The following KIF13A variants were observed in gnomAD, a reference collection of about 807,000 sequenced individuals.
The protein encoded by KIF13A is kinesin-like protein KIF13A.
A neutral mutation model predicts 212.2 loss-of-function variants in KIF13A; 79 were observed. That is an observed-to-expected ratio of 0.37 (90% confidence interval 0.31 to 0.45). KIF13A has a LOEUF of 0.45. Among genes scored for constraint, KIF13A ranks in the 20% least tolerant of loss-of-function variants. The pLI is 1.00. For missense variants in KIF13A, 1,901 were observed against 2,209.0 expected (o/e 0.86, Z 2.79); for synonymous variants, 789 against 808.6 (o/e 0.98, Z 0.41).
chr6:17,921,263 T>C (rs1775045894), intron 2 of KIF13A, among the ~76,000 whole-genome samples: 2 of 152,182 alleles, frequency 1.3e-5, no homozygotes, highest in South Asian at 4.1e-4. Context: ...AATAAACTGA[T>C]TTAACTTTAT....
At chr6:17,981,762 A>G (rs745866187) in intron 2 of KIF13A, among the ~76,000 whole-genome samples, 1 of 152,132 alleles carries the variant, frequency 6.6e-6, no homozygotes, top group Non-Finnish European at 1.5e-5. Context: ...TAACTCTGTA[A>G]TATGGGCAGA....
In KIF13A at chr6:17,849,834, G is replaced by GT. The variant is rs1056406530; in HGVS notation, c.718-346dup. On this transcript the variant is annotated intron_variant, in intron 8 of 38. Coordinates refer to ENST00000259711, the MANE Select transcript of KIF13A (RefSeq NM_022113.6). This position sits in a 1 kb window ranked among gnomAD's most constrained non-coding sequence, Gnocchi z 5.7. ...CAAATCCTTCTTCCTTTGAAAAAAG[G>GT]TTTAGGCTAAAGGTTGTGGTGTCCT... Among the ~76,000 whole-genome samples, 76 of 152,240 alleles carry GT rather than the reference G, an allele frequency of 5.0e-4. No individual in the cohort carries two copies. Among genetic ancestry groups the GT allele is most frequent in the African/African-American group, 1.7e-3 (70 of 41,538 alleles).
intron 25 of KIF13A, among the ~76,000 whole-genome samples, chr6:17,793,774 C>T (rs1033056454): frequency 6.6e-6 from 1 of 151,684 alleles, no homozygotes; most frequent in African/African-American, 2.4e-5. Context: ...ATCAGCTGGG[C>T]GTGGTGATGT....
chr6:17,797,415 C>T (rs1430945848), intron 22 of KIF13A, among the ~76,000 whole-genome samples: 1 of 152,222 alleles, frequency 6.6e-6, no homozygotes, highest in African/African-American at 2.4e-5. Flanking sequence ...GCTGAATCTA[C>T]ATCGTCTTAC....
chr6:17,806,903 T>A (rs1224775460), intron 18 of KIF13A, among the ~76,000 whole-genome samples: 1 of 152,110 alleles, frequency 6.6e-6, no homozygotes, highest in Non-Finnish European at 1.5e-5. Flanking sequence ...TTGCAGGAAG[T>A]CAGGGACCCC....
chr6:17,929,404 A>ATTTT (rs35396541), intron 2 of KIF13A, among the ~76,000 whole-genome samples: 50 of 145,248 alleles, frequency 3.4e-4, no homozygotes, highest in African/African-American at 1.0e-3. Context: ...ACTCTCGACT[A>ATTTT]TTTTTTTTTT....
At chr6:17,975,067 G>A (rs73373191) in intron 2 of KIF13A, among the ~76,000 whole-genome samples, 1,671 of 152,236 alleles carry the variant, frequency 0.011, 24 homozygotes, top group African/African-American at 0.038. Context: ...TTCCCAGCTG[G>A]GCGCAGTGGT....
chr6:17,957,710 C>T (rs978337715), intron 2 of KIF13A, among the ~76,000 whole-genome samples: 1 of 152,182 alleles, frequency 6.6e-6, no homozygotes, highest in African/African-American at 2.4e-5. Context: ...CTGGTGTTCA[C>T]TGCTTGTTGG....
chr6:17,874,356 G>A (rs1770307815), intron 3 of KIF13A, among the ~76,000 whole-genome samples: 2 of 151,800 alleles, frequency 1.3e-5, no homozygotes, highest in South Asian at 4.2e-4. Context: ...AAGATGTGAA[G>A]CAACTTTACA....
Position 17,799,216 on chromosome 6 carries a change from A to G in KIF13A, c.2790+50T>C, listed in dbSNP as rs1162887108. The G allele has an allele frequency of 1.1e-5, 14 of 1,307,212 alleles. No individual in the cohort carries two copies. Among genetic ancestry groups the G allele is most frequent in the Admixed American group, 2.5e-5 (1 of 40,276 alleles). The allele number at this position is 1,307,212 out of a possible 1,614,324, so 81.0% of individuals were successfully genotyped here. A position where few individuals can be genotyped will look rare whatever the true frequency, so the allele number is the denominator to read the frequency against. On this transcript the variant is annotated intron_variant, in intron 22 of 38. Coordinates refer to ENST00000259711, the MANE Select transcript of KIF13A (RefSeq NM_022113.6). This position sits in a 1 kb window ranked among gnomAD's most constrained non-coding sequence, Gnocchi z 4.4. ...TGGGGACAACTGATTGTTGAACTGCACCAATTTCTGCTGCTTCCTACACAG... is the reference window on the plus strand; with the variant it reads ...TGGGGACAACTGATTGTTGAACTGCGCCAATTTCTGCTGCTTCCTACACAG...
At chr6:17,779,745 T>C in intron 31 of KIF13A, 61 bp from the exon 32 acceptor site, 1 of 656,588 alleles carries the variant, frequency 1.5e-6, no homozygotes, top group East Asian at 3.9e-5. Flanking sequence ...ATTTTGTATT[T>C]TTTTTTTTTT....
chr6:17,830,115 T>A (rs1343244258), intron 13 of KIF13A, among the ~76,000 whole-genome samples: 1 of 152,190 alleles, frequency 6.6e-6, no homozygotes, highest in African/African-American at 2.4e-5. Context: ...TAAATCAATG[T>A]CAATCAGATA....
intron 38 of KIF13A, among the ~76,000 whole-genome samples, chr6:17,765,316 T>C (rs1203740535): frequency 6.6e-6 from 1 of 152,222 alleles, no homozygotes; most frequent in Non-Finnish European, 1.5e-5. Flanking sequence ...TCTTTTCTCA[T>C]TAAATGAGCA....
chr6:17,980,641 TTAAG>T (rs1780981479), intron 2 of KIF13A, among the ~76,000 whole-genome samples: 1 of 151,772 alleles, frequency 6.6e-6, no homozygotes, highest in Non-Finnish European at 1.5e-5. Flanking sequence ...GCTAAAGTAA[TTAAG>T]TACACAGAAA....
At chr6:17,823,149 G>A (rs1193530285) in intron 16 of KIF13A, among the ~76,000 whole-genome samples, 1 of 151,614 alleles carries the variant, frequency 6.6e-6, no homozygotes, top group Non-Finnish European at 1.5e-5. Flanking sequence ...CGATTCTCCT[G>A]CCTCAGCTTC....
In KIF13A at chr6:17,898,039, G is replaced by T; in HGVS notation, c.159+129C>A. On this transcript the variant is annotated intron_variant, in intron 3 of 38. Coordinates refer to ENST00000259711, the MANE Select transcript of KIF13A (RefSeq NM_022113.6). The surrounding 1 kb of genome is among the most constrained non-coding windows in gnomAD (Gnocchi z 5.2). ...AACACTGATATTAATTGTTCATGAT[G>T]TGAGTTTTAAATTAGGATGCTGTTT... 1.3e-6 allele frequency: 1 copy of T among 771,132 alleles called. No individual in the cohort carries two copies. The highest frequency in any genetic ancestry group is 2.1e-6 in the Non-Finnish European group (1 of 476,000). The allele number at this position is 771,132 out of a possible 1,614,324, so 47.8% of individuals were successfully genotyped here.
chr6:17,823,177 C>T (rs184961781), intron 16 of KIF13A, among the ~76,000 whole-genome samples: 278 of 152,058 alleles, frequency 1.8e-3, no homozygotes, highest in Non-Finnish European at 1.5e-3. Flanking sequence ...GCTGGGATTA[C>T]AGGCACCTGC....
intron 2 of KIF13A, among the ~76,000 whole-genome samples, chr6:17,979,710 T>G (rs544946541): frequency 6.7e-6 from 1 of 149,902 alleles, no homozygotes; most frequent in Non-Finnish European, 1.5e-5. Flanking sequence ...TGGAGAAAAT[T>G]ATCATTAATG....
intron 2 of KIF13A, among the ~76,000 whole-genome samples, chr6:17,902,727 A>G (rs994832456): frequency 1.3e-5 from 2 of 152,224 alleles, no homozygotes; most frequent in Admixed American, 6.5e-5. Context: ...AGGGTCGACA[A>G]AACAGCTTAG....
Sources: gnomAD v4.1 joint callset for allele counts (sites outside exome capture counted in the v4.1 genomes callset) on GRCh38, gnomAD v4.1.1 for gene constraint, Gnocchi (gnomAD v3.1) non-coding constraint, MANE v1.5 for transcripts, NCBI Gene and HGNC (gene_info 2026-07-23, HGNC 2026-07-21) for gene names.